Variants in PDE10A observed in about 807,000 individuals in gnomAD.
PDE10A encodes the protein cAMP and cAMP-inhibited cGMP 3',5'-cyclic phosphodiesterase 10A.
PDE10A carries 39 observed loss-of-function variants against 97.7 expected under a neutral mutation model. That is an observed-to-expected ratio of 0.40 (90% CI 0.31 to 0.52). The LOEUF (loss-of-function observed/expected upper bound fraction) is 0.52, where lower values mean the gene tolerates loss of function less well. Ranked by LOEUF, PDE10A falls within the 20% of genes least tolerant of loss-of-function variation. PDE10A has a pLI of 0.56. For missense variants in PDE10A, 731 were observed against 1,047.8 expected, an observed-to-expected ratio of 0.70 and a Z score of 4.17; for synonymous variants, 371 against 376.8, an observed-to-expected ratio of 0.98 and a Z score of 0.18.
chr6:165,705,418 C>A (rs1230776461), intron 1 of PDE10A, among the ~76,000 whole-genome samples: 1 of 152,206 alleles, frequency 6.6e-6, no homozygotes, highest in Non-Finnish European at 1.5e-5. Context: ...AGTTCTTGTA[C>A]AGTTTTCTAA....
intron 1 of PDE10A, among the ~76,000 whole-genome samples, chr6:165,684,365 T>G (rs1791058520): frequency 6.6e-6 from 1 of 152,234 alleles, no homozygotes; most frequent in Non-Finnish European, 1.5e-5. Flanking sequence ...ATTCCAGCCA[T>G]GCACCTGGAG....
At chr6:165,338,793 T>C (rs1376720122) in intron 20 of PDE10A, among the ~76,000 whole-genome samples, 5 of 152,128 alleles carry the variant, frequency 3.3e-5, no homozygotes, top group African/African-American at 1.2e-4. Flanking sequence ...GTGGCCAAGG[T>C]AGTATGAATT....
At chr6:165,397,107 AG>A (rs1767035521) in intron 13 of PDE10A, among the ~76,000 whole-genome samples, 1 of 152,222 alleles carries the variant, frequency 6.6e-6, no homozygotes, top group African/African-American at 2.4e-5. Flanking sequence ...GAAAATGGAT[AG>A]GTACATTTTG....
chr6:165,949,960 A>G (rs989585374), intron 1 of PDE10A: 9 of 152,224 alleles, frequency 5.9e-5, no homozygotes, highest in African/African-American at 1.7e-4. Context: ...TTATTTAATT[A>G]TCATAAGAGC....
At chr6:165,384,593 T>G (rs1259626696) in intron 17 of PDE10A, among the ~76,000 whole-genome samples, 2 of 149,648 alleles carry the variant, frequency 1.3e-5, no homozygotes, top group African/African-American at 2.5e-5. Context: ...TTCCTGCTTT[T>G]CCCTACCATG....
intron 1 of PDE10A, among the ~76,000 whole-genome samples, chr6:165,569,049 A>G (rs1784925216): frequency 6.6e-6 from 1 of 152,222 alleles, no homozygotes; most frequent in South Asian, 2.1e-4. Flanking sequence ...AACAGTACAA[A>G]TGTAAGAATG....
intron 1 of PDE10A, among the ~76,000 whole-genome samples, chr6:165,627,955 T>G (rs1788462010): frequency 2.0e-5 from 3 of 152,180 alleles, no homozygotes; most frequent in African/African-American, 7.2e-5. Context: ...TGAAAGCAAT[T>G]TATTCTTACT....
intron 2 of PDE10A, among the ~76,000 whole-genome samples, chr6:165,520,306 A>G (rs928344765): frequency 1.3e-5 from 2 of 152,226 alleles, no homozygotes; most frequent in Non-Finnish European, 2.9e-5. Context: ...AAGATGTAAC[A>G]TAAGAAATTT....
At chr6:165,871,886 G>A (rs554928940) in intron 1 of PDE10A, among the ~76,000 whole-genome samples, 130 of 152,332 alleles carry the variant, frequency 8.5e-4, no homozygotes, top group Middle Eastern at 6.8e-3. Flanking sequence ...AAGGGCAAGA[G>A]GAGATAGGAT....
At chr6:165,987,205 T>A (rs1051049951) in intron 1 of PDE10A, among the ~76,000 whole-genome samples, 1 of 152,122 alleles carries the variant, frequency 6.6e-6, no homozygotes, top group Non-Finnish European at 1.5e-5. Context: ...CTCAAACTCC[T>A]CGGATCAAGC....
At chr6:165,376,835 C>T (rs756529154) in intron 18 of PDE10A, among the ~76,000 whole-genome samples, 23 of 152,268 alleles carry the variant, frequency 1.5e-4, no homozygotes, top group African/African-American at 4.1e-4. Context: ...AGGAGGATCC[C>T]TGGCGCCCAG....
chr6:165,752,553 A>G (rs1324002632), intron 1 of PDE10A, among the ~76,000 whole-genome samples: 1 of 152,254 alleles, frequency 6.6e-6, no homozygotes, highest in Non-Finnish European at 1.5e-5. Context: ...TATGAATTAT[A>G]CAGTAATTCT....
At position 165,978,101 on chromosome 6, in the gene PDE10A, G is replaced by A. The variant is rs567077000; in HGVS notation, c.-615+9428C>T. On this transcript the variant is annotated intron_variant, in intron 1 of 19. Transcript: ENST00000366882. ...GTGGGAAGGGACCTGATGAGGCAAG[G>A]GGCACAGGAAGCCTTCTGGAATGCT... 3.9e-5 allele frequency among the ~76,000 whole-genome samples: 6 copies of A among 152,300 alleles called. No individual in the cohort carries two copies. The East Asian group carries it at 1.2e-3, about 29-fold the overall frequency.
chr6:165,521,184 C>T (rs1782109254), intron 2 of PDE10A, among the ~76,000 whole-genome samples: 1 of 152,060 alleles, frequency 6.6e-6, no homozygotes, highest in African/African-American at 2.4e-5. Flanking sequence ...AGCTACAAAC[C>T]ATGAGATGGT....
intron 2 of PDE10A, among the ~76,000 whole-genome samples, chr6:165,486,034 T>C (rs1021766919): frequency 6.6e-6 from 1 of 152,206 alleles, no homozygotes; most frequent in African/African-American, 2.4e-5. Flanking sequence ...GTGGCAGGTG[T>C]TCCTCTTTCG....
chr6:165,793,614 T>C (rs557166172), intron 1 of PDE10A, among the ~76,000 whole-genome samples: 74 of 152,282 alleles, frequency 4.9e-4, no homozygotes, highest in African/African-American at 1.7e-3. Flanking sequence ...GAGCAAGCGA[T>C]TGGGGCTCAC....
At chr6:165,960,397 G>A (rs1016442696) in intron 1 of PDE10A, among the ~76,000 whole-genome samples, 3 of 152,162 alleles carry the variant, frequency 2.0e-5, no homozygotes, top group African/African-American at 4.8e-5. Context: ...CCTCATCCAC[G>A]GGATTCCAGG....
chr6:165,663,323 T>C (rs1463558509), upstream of PDE10A, among the ~76,000 whole-genome samples: 1 of 151,848 alleles, frequency 6.6e-6, no homozygotes, highest in East Asian at 2.0e-4. Flanking sequence ...ACTCGGCCCC[T>C]GCGCCAGGCT....
chr6:165,755,143 G>C (rs927651527), intron 1 of PDE10A, among the ~76,000 whole-genome samples: 9 of 152,174 alleles, frequency 5.9e-5, no homozygotes, highest in Admixed American at 2.0e-4. Flanking sequence ...AGAAAACAGG[G>C]TGGAATTGGC....
Sources: gnomAD v4.1 joint callset for allele counts (sites outside exome capture counted in the v4.1 genomes callset) on GRCh38, gnomAD v4.1.1 for gene constraint, MANE v1.5 for transcripts, NCBI Gene and HGNC (gene_info 2026-07-23, HGNC 2026-07-21) for gene names.